The following FRMD3 variants were observed in gnomAD, a reference collection of about 807,000 sequenced individuals.
FRMD3 encodes the protein FERM domain-containing protein 3.
FRMD3 carries 33 observed loss-of-function variants against 70.2 expected under a neutral mutation model. The observed-to-expected ratio is 0.47, with a 90% CI of 0.36 to 0.63. The LOEUF (loss-of-function observed/expected upper bound fraction) is 0.63, where lower values mean the gene tolerates loss of function less well. Ranked by LOEUF, FRMD3 falls within the 20% of genes least tolerant of loss-of-function variation. The pLI is 0.00. For missense variants in FRMD3, 632 were observed against 711.4 expected, an observed-to-expected ratio of 0.89 and a Z score of 1.27; for synonymous variants, 279 against 255.9, an observed-to-expected ratio of 1.09 and a Z score of -0.86.
At chr9:83,581,544 G>A in the FRMD3 span, among the ~76,000 whole-genome samples, 3 of 152,168 alleles carry the variant, frequency 2.0e-5, no homozygotes. Context: ...TTGAGAAAAT[G>A]TGTGGCACTT....
chr9:83,509,818 T>C (rs1019533268), intron 1 of FRMD3, among the ~76,000 whole-genome samples: 20 of 151,930 alleles, frequency 1.3e-4, no homozygotes, highest in African/African-American at 2.4e-4. Flanking sequence ...GTTCCAAAGA[T>C]TGGGCTGTAA....
intron 1 of FRMD3, among the ~76,000 whole-genome samples, chr9:83,434,023 T>C (rs1827058530): frequency 6.6e-6 from 1 of 152,180 alleles, no homozygotes; most frequent in Non-Finnish European, 1.5e-5. Flanking sequence ...CACCTCCTCT[T>C]TAGGGCAGCA....
chr9:83,583,151 T>C, the FRMD3 span, among the ~76,000 whole-genome samples: 1 of 152,240 alleles, frequency 6.6e-6, no homozygotes, highest in African/African-American at 2.4e-5. Flanking sequence ...GAGAATTCGC[T>C]TTAGAGAAAC....
At chr9:83,532,010 C>A (rs2131558680) in intron 1 of FRMD3, among the ~76,000 whole-genome samples, 2 of 152,270 alleles carry the variant, frequency 1.3e-5, no homozygotes, top group Admixed American at 1.3e-4. Flanking sequence ...TTTAGGATTA[C>A]CTCTAATATA....
intron 1 of FRMD3, among the ~76,000 whole-genome samples, chr9:83,531,495 G>A (rs138389846): frequency 3.1e-4 from 47 of 152,250 alleles, no homozygotes; most frequent in African/African-American, 1.1e-3. Flanking sequence ...GTCTAAAAAC[G>A]TCAGAGCTGT....
At chr9:83,499,174 T>C (rs949984695) in intron 1 of FRMD3, among the ~76,000 whole-genome samples, 1 of 152,104 alleles carries the variant, frequency 6.6e-6, no homozygotes, top group African/African-American at 2.4e-5. Context: ...AAACAAAAAT[T>C]CTGGGTGCAG....
intron 1 of FRMD3, among the ~76,000 whole-genome samples, chr9:83,465,622 G>A (rs1170198900): frequency 6.6e-6 from 1 of 151,898 alleles, no homozygotes; most frequent in Non-Finnish European, 1.5e-5. Context: ...TCTTGGAGAG[G>A]GCAAATCTGC....
At chr9:83,286,096 G>A (rs1275647657) in intron 13 of FRMD3, among the ~76,000 whole-genome samples, 1 of 152,098 alleles carries the variant, frequency 6.6e-6, no homozygotes, top group Non-Finnish European at 1.5e-5. Context: ...CATTAATCTG[G>A]GCAATAACAC....
At chr9:83,567,129 A>G in the FRMD3 span, among the ~76,000 whole-genome samples, 1 of 152,236 alleles carries the variant, frequency 6.6e-6, no homozygotes, top group East Asian at 1.9e-4. Context: ...GAGGTTCCCA[A>G]ACCTCAGTTC....
intron 1 of FRMD3, among the ~76,000 whole-genome samples, chr9:83,393,635 C>T (rs1825730241): frequency 6.6e-6 from 1 of 151,972 alleles, no homozygotes; most frequent in African/African-American, 2.4e-5. Flanking sequence ...GATCATCAGG[C>T]ATTAGATTCT....
rs547384403 is a variant in FRMD3, at chr9:83,391,301, C to T, written c.148-1593G>A. ...GGAGTCTCAAATGACAAAGCTATACCTAACAGCTGAATTCAATGCCCAGAA... is the reference window on the plus strand; with the variant it reads ...GGAGTCTCAAATGACAAAGCTATACTTAACAGCTGAATTCAATGCCCAGAA... On this transcript the variant is annotated intron_variant, in intron 1 of 13. Coordinates refer to ENST00000304195, the MANE Select transcript of FRMD3 (RefSeq NM_174938.6). Among the ~76,000 whole-genome samples the T allele has an allele frequency of 2.6e-5, 4 of 152,244 alleles. No individual in the cohort carries two copies. The South Asian group carries it at 6.2e-4, about 24-fold the overall frequency.
At chr9:83,369,291 A>G (rs1360705482) in intron 3 of FRMD3, among the ~76,000 whole-genome samples, 1 of 152,174 alleles carries the variant, frequency 6.6e-6, no homozygotes, top group Non-Finnish European at 1.5e-5. Flanking sequence ...TAAATACATT[A>G]TAGGCCGGGC....
At chr9:83,556,401 A>G in the FRMD3 span, among the ~76,000 whole-genome samples, 1 of 152,216 alleles carries the variant, frequency 6.6e-6, no homozygotes, top group East Asian at 1.9e-4. Context: ...TGGCTTGCCC[A>G]TTAGATCATC....
chr9:83,283,343 AC>A (rs1245284194), intron 13 of FRMD3, among the ~76,000 whole-genome samples: 1 of 151,964 alleles, frequency 6.6e-6, no homozygotes, highest in Non-Finnish European at 1.5e-5. Flanking sequence ...ATCCTGGCTA[AC>A]ATGGTGAAAC....
intron 6 of FRMD3, among the ~76,000 whole-genome samples, chr9:83,319,577 A>AGGTCCAGCTAATTTTTGT (rs1216116531): frequency 4.6e-5 from 7 of 152,214 alleles, no homozygotes; most frequent in Admixed American, 1.3e-4. Context: ...ATGTGCCACC[A>AGGTCCAGCTAATTTTTGT]GGTCCAGCTA....
intron 13 of FRMD3, 46 bp downstream of exon 13, chr9:83,290,557 G>A: frequency 1.2e-6 from 2 of 1,612,074 alleles, no homozygotes; most frequent in Non-Finnish European, 1.7e-6. Flanking sequence ...GTTTTTTCCA[G>A]AGGAAGCCTG....
intron 1 of FRMD3, among the ~76,000 whole-genome samples, chr9:83,498,040 T>C (rs920891778): frequency 2.0e-5 from 3 of 151,990 alleles, no homozygotes; most frequent in Non-Finnish European, 4.4e-5. Flanking sequence ...CCCAGCTCCT[T>C]GGGAGGCTGA....
intron 1 of FRMD3, among the ~76,000 whole-genome samples, chr9:83,479,776 A>C: frequency 1.9e-5 from 1 of 52,334 alleles, no homozygotes; most frequent in Admixed American, 1.7e-4. Flanking sequence ...GGAGGGAGGG[A>C]GGGAGGGAGG....
chr9:83,252,675 T>C (rs958264949), intron 13 of FRMD3, among the ~76,000 whole-genome samples: 4 of 151,820 alleles, frequency 2.6e-5, no homozygotes, highest in African/African-American at 9.7e-5. Context: ...TGAAGGAAAA[T>C]GTACCAAGCA....
Sources: gnomAD v4.1 joint callset for allele counts (sites outside exome capture counted in the v4.1 genomes callset) on GRCh38, gnomAD v4.1.1 for gene constraint, MANE v1.5 for transcripts, NCBI Gene and HGNC (gene_info 2026-07-23, HGNC 2026-07-21) for gene names.